PLEKHO2: variants seen among roughly 807,000 people sequenced by gnomAD.
PLEKHO2 encodes the protein pleckstrin homology domain containing O2, also known as pleckstrin homology domain-containing family O member 2.
Under a neutral mutation model 32.7 loss-of-function variants are expected in PLEKHO2, and 20 were observed. The ratio of observed to expected loss-of-function variants is 0.61; its 90% CI spans 0.43 to 0.89. PLEKHO2 has a LOEUF of 0.89. PLEKHO2 is among the 40% of genes least tolerant of loss of function. PLEKHO2 has a pLI of 0.00. For missense variants in PLEKHO2, 568 were observed against 621.2 expected, an observed-to-expected ratio of 0.91 and a Z score of 0.91; for synonymous variants, 247 against 246.3, an observed-to-expected ratio of 1.00 and a Z score of -0.03.
intron 3 of PLEKHO2, among the ~76,000 whole-genome samples, chr15:64,857,449 C>T (rs2084612646): frequency 6.6e-6 from 1 of 152,240 alleles, no homozygotes; most frequent in Admixed American, 6.5e-5. Context: ...GATCCTCCCA[C>T]CTCAGCTTCT....
chr15:64,842,596 A>G (rs561210301), intron 1 of PLEKHO2, among the ~76,000 whole-genome samples: 2 of 151,862 alleles, frequency 1.3e-5, no homozygotes, highest in African/African-American at 4.8e-5. Flanking sequence ...TCTCCCTTGT[A>G]TAAGTCTCTG....
Position 64,841,922 on chromosome 15 carries a change from G to C in PLEKHO2, c.-95G>C, listed in dbSNP as rs1295101754. ...CCCGGCAGCCGGCGGGACAGAACGCGGAGAGTCGCCGCCTGGCCGGGCGTA... is the reference window on the plus strand; with the variant it reads ...CCCGGCAGCCGGCGGGACAGAACGCCGAGAGTCGCCGCCTGGCCGGGCGTA... On this transcript the variant is annotated 5_prime_UTR_variant, in exon 1 of 6. Transcript: ENST00000323544. 8.4e-6 allele frequency: 10 copies of C among 1,190,836 alleles called. No homozygotes were observed. Among genetic ancestry groups the C allele is most frequent in the African/African-American group, 1.6e-5 (1 of 63,346 alleles). The allele number at this position is 1,190,836 out of a possible 1,614,324, so 73.8% of individuals were successfully genotyped here. A position where few individuals can be genotyped will look rare whatever the true frequency, so the allele number is the denominator to read the frequency against.
intron 1 of PLEKHO2, among the ~76,000 whole-genome samples, chr15:64,847,800 G>A (rs1178335146): frequency 6.6e-6 from 1 of 152,200 alleles, no homozygotes; most frequent in Non-Finnish European, 1.5e-5. Flanking sequence ...TAAGGTCCTT[G>A]CCTGGAGTGG....
chr15:64,849,285 T>C (rs937525108), intron 2 of PLEKHO2, among the ~76,000 whole-genome samples: 21 of 151,842 alleles, frequency 1.4e-4, no homozygotes, highest in African/African-American at 5.1e-4. Context: ...GTAGCTGGGA[T>C]TACAGGCATG....
chr15:64,845,982 C>T (rs935983025), intron 1 of PLEKHO2, among the ~76,000 whole-genome samples: 1 of 152,282 alleles, frequency 6.6e-6, no homozygotes, highest in South Asian at 2.1e-4. Context: ...AAGAGTCTGC[C>T]CATCAGGTGG....
Position 64,859,943 on chromosome 15 carries a change from G to A in PLEKHO2, c.329G>A (p.Trp110Ter). The part of the protein sequence containing the change: ...QAPTGEEKES[W>*]IKALNEGINR... Reference sequence around the variant, plus strand: ...CCCACCGGGGAGGAGAAGGAATCCTGGATCAAAGCCCTCAATGAAGGGATT... The same window carrying A: ...CCCACCGGGGAGGAGAAGGAATCCTAGATCAAAGCCCTCAATGAAGGGATT... Residue 110 changes from tryptophan to a stop codon, truncating the protein, a stop_gained, in exon 4 of 6, where the codon TGG becomes TAG. Coordinates refer to ENST00000323544, the MANE Select transcript of PLEKHO2 (RefSeq NM_025201.5). LOFTEE classifies it high-confidence loss of function. 1 of 1,614,208 alleles carries A rather than the reference G, an allele frequency of 6.2e-7. No homozygotes were observed. Among genetic ancestry groups the A allele is most frequent in the Non-Finnish European group, 8.5e-7 (1 of 1,180,036 alleles).
intron 1 of PLEKHO2, 31 bp from the exon 2 acceptor site, chr15:64,848,562 C>A: frequency 6.2e-7 from 1 of 1,613,268 alleles, no homozygotes; most frequent in Non-Finnish European, 8.5e-7. Flanking sequence ...TGGTAGCAAC[C>A]CTCATGGTAT....
intron 1 of PLEKHO2, among the ~76,000 whole-genome samples, chr15:64,845,171 C>CCAT (rs1276688848): frequency 6.6e-6 from 1 of 151,236 alleles, no homozygotes; most frequent in Non-Finnish European, 1.5e-5. Context: ...TGTTGTGGTT[C>CCAT]CATCTGTCCC....
chr15:64,846,493 T>C (rs1447012086), intron 1 of PLEKHO2, among the ~76,000 whole-genome samples: 1 of 152,088 alleles, frequency 6.6e-6, no homozygotes, highest in Non-Finnish European at 1.5e-5. Flanking sequence ...TTTGTATTTT[T>C]AGTAGAGTTG....
At chr15:64,843,640 G>GCGA (rs2084501808) in intron 1 of PLEKHO2, among the ~76,000 whole-genome samples, 1 of 151,344 alleles carries the variant, frequency 6.6e-6, no homozygotes, top group African/African-American at 2.4e-5. Flanking sequence ...GAGTGCAGTG[G>GCGA]CGAGATATTG....
intron 3 of PLEKHO2, among the ~76,000 whole-genome samples, chr15:64,859,062 T>C (rs2084625084): frequency 6.6e-6 from 1 of 152,246 alleles, no homozygotes; most frequent in South Asian, 2.1e-4. Context: ...CTTAGCACAA[T>C]GTTTTCAAGG....
chr15:64,843,387 C>T (rs1256290788), intron 1 of PLEKHO2, among the ~76,000 whole-genome samples: 1 of 152,160 alleles, frequency 6.6e-6, no homozygotes, highest in African/African-American at 2.4e-5. Context: ...CATCTGCCTG[C>T]CCCAGGCCCC....
chr15:64,866,060 C>T lies in PLEKHO2; in HGVS notation c.*172C>T. ...GACTCCTGGCGTCCTTCCTACTCTG[C>T]TCTGGCCAGTGGTGCCAGGTGCCAC... On this transcript the variant is annotated 3_prime_UTR_variant, in exon 6 of 6. Coordinates refer to ENST00000323544, the MANE Select transcript of PLEKHO2 (RefSeq NM_025201.5). The T allele has an allele frequency of 1.1e-6, 1 of 897,544 alleles. No individual in the cohort carries two copies. Among genetic ancestry groups the T allele is most frequent in the South Asian group, 1.8e-5 (1 of 56,306 alleles). The allele number at this position is 897,544 out of a possible 1,614,324, so 55.6% of individuals were successfully genotyped here.
In PLEKHO2 at chr15:64,867,092, A is replaced by C. The variant is rs2084694912; in HGVS notation, c.*1204A>C. The C allele has an allele frequency of 6.5e-6, 1 of 152,692 alleles. No homozygotes were observed. The highest frequency in any genetic ancestry group is 2.4e-5 in the African/African-American group (1 of 41,424). The allele number at this position is 152,692 out of a possible 1,614,324, so 9.5% of individuals were successfully genotyped here. A position where few individuals can be genotyped will look rare whatever the true frequency, so the allele number is the denominator to read the frequency against. On this transcript the variant is annotated 3_prime_UTR_variant, in exon 6 of 6. Coordinates refer to ENST00000323544, the MANE Select transcript of PLEKHO2 (RefSeq NM_025201.5). ...GCTGCAGCAGCTGGACTGAGGGCAG[A>C]GCCTGTAGGTGCAGAGGCCCTGGCT...
chr15:64,856,724 C>T (rs965670477), intron 3 of PLEKHO2, among the ~76,000 whole-genome samples: 1 of 152,178 alleles, frequency 6.6e-6, no homozygotes, highest in African/African-American at 2.4e-5. Context: ...TGAAACAGTG[C>T]ATCCTGGTTC....
At chr15:64,855,550 C>T (rs1018536766) in intron 3 of PLEKHO2, among the ~76,000 whole-genome samples, 2 of 152,242 alleles carry the variant, frequency 1.3e-5, no homozygotes, top group African/African-American at 4.8e-5. Context: ...CTTTCCTCCC[C>T]TTGCACTTTC....
rs1176636980 is a variant in PLEKHO2, at chr15:64,865,839, G to A, written c.1424G>A (p.Arg475Lys). Residue 475 changes from arginine to lysine, a missense_variant, in exon 6 of 6, where the codon AGG (arginine) becomes AAG (lysine). Coordinates refer to ENST00000323544, the MANE Select transcript of PLEKHO2 (RefSeq NM_025201.5). Reference protein sequence around the residue: ...GELSQEAPGLREKRKELVTLY... With the variant: ...GELSQEAPGLKEKRKELVTLY... The stretch of plus-strand genomic sequence containing the variant: ...CTGAGCCAGGAAGCACCTGGGCTAA[G>A]GGAGAAGCGGAAGGAGCTGGTGACC... The A allele has an allele frequency of 1.2e-6, 2 of 1,612,122 alleles. No homozygotes were observed. Among genetic ancestry groups the A allele is most frequent in the South Asian group, 2.2e-5 (2 of 91,086 alleles).
In PLEKHO2 at chr15:64,866,406, CCAGGCTCTAGGTTCATCCCT is replaced by C. The variant is rs2084687815; in HGVS notation, c.*522_*541del. The C allele has an allele frequency of 2.2e-6, 1 of 456,318 alleles. No individual in the cohort carries two copies. Among genetic ancestry groups the C allele is most frequent in the South Asian group, 1.5e-5 (1 of 64,568 alleles). 28.3% of individuals were successfully genotyped at this position (456,318 alleles called of 1,614,324 possible). A position where few individuals can be genotyped will look rare whatever the true frequency, so the allele number is the denominator to read the frequency against. ...CTGAGTAGCTGCAGAGGCCTTGGGT[CCAGGCTCTAGGTTCATCCCT>C]CAGTTGGGGGGAACGTAGGACCCAG... On this transcript the variant is annotated 3_prime_UTR_variant, in exon 6 of 6. Coordinates refer to ENST00000323544, the MANE Select transcript of PLEKHO2 (RefSeq NM_025201.5).
intron 3 of PLEKHO2, among the ~76,000 whole-genome samples, chr15:64,857,487 G>A (rs909405765): frequency 5.9e-5 from 9 of 152,214 alleles, no homozygotes; most frequent in South Asian, 4.1e-4. Flanking sequence ...GGCACACACC[G>A]TCATGCCTGG....
Sources: gnomAD v4.1 joint callset for allele counts (sites outside exome capture counted in the v4.1 genomes callset) on GRCh38, gnomAD v4.1.1 for gene constraint, MANE v1.5 for transcripts, NCBI Gene and HGNC (gene_info 2026-07-23, HGNC 2026-07-21) for gene names.